ABITRAM: variants seen among roughly 807,000 people sequenced by gnomAD.
ABITRAM encodes the protein protein Abitram.
Under a neutral mutation model 22.9 loss-of-function variants are expected in ABITRAM, and 19 were observed. That is an observed-to-expected ratio of 0.83 (90% CI 0.58 to 1.22). ABITRAM has a LOEUF of 1.22. Ranked by LOEUF, ABITRAM falls within the 50% of genes most tolerant of loss-of-function variation. The pLI is 0.00. For missense variants in ABITRAM, 215 were observed against 220.2 expected (o/e 0.98, Z 0.15); for synonymous variants, 70 against 73.9 (o/e 0.95, Z 0.27).
At chr9:108,944,010 A>C, downstream of ABITRAM, 1 of 1,613,730 alleles carries the variant, frequency 6.2e-7, no homozygotes, top group Non-Finnish European at 8.5e-7. Flanking sequence ...AACCCTCTGC[A>C]GCAAAAACCT....
intron 3 of ABITRAM, chr9:108,948,162 G>A: frequency 6.2e-7 from 1 of 1,608,642 alleles, no homozygotes; most frequent in Non-Finnish European, 8.5e-7. Context: ...TAAAGTACTA[G>A]CATAAAACGG....
rs762875223 is a variant in ABITRAM at position 108,939,620 on chromosome 9, A to G, written c.480A>G (p.Leu160=). 39 of 1,614,046 alleles carry G rather than the reference A, an allele frequency of 2.4e-5. No homozygotes were observed. Among genetic ancestry groups the G allele is most frequent in the Non-Finnish European group, 3.1e-5 (37 of 1,180,004 alleles). The part of the protein sequence containing the change: ...FEESKSITEG[L]LTQKQYEEVM... ...AAAGTAAAAGCATAACAGAAGGGTTACTGACACAAAAACAATATGAAGAAG... is the reference window on the plus strand; with the variant it reads ...AAAGTAAAAGCATAACAGAAGGGTTGCTGACACAAAAACAATATGAAGAAG... Residue 160 remains leucine, a synonymous_variant, in exon 6 of 6, where the codon TTA becomes TTG. Coordinates refer to ENST00000322940, the MANE Select transcript of ABITRAM (RefSeq NM_017832.4).
exon 4 of ABITRAM, chr9:108,950,547 G>C: frequency 6.4e-7 from 1 of 1,550,398 alleles, no homozygotes; most frequent in Non-Finnish European, 8.7e-7. Flanking sequence ...GTCATCAAGA[G>C]GAAAATGATG....
In ABITRAM at chr9:108,939,422, A is replaced by G. The variant is rs778615083; in HGVS notation, c.376A>G (p.Ile126Val). Residue 126 changes from isoleucine to valine, a missense_variant, in exon 5 of 6, where the codon ATC becomes GTC. Ile to Val is a conservative substitution (Grantham distance 29). Transcript: ENST00000322940. The stretch of plus-strand genomic sequence containing the variant: ...ACGTTTGATGGAAGTGAATGAAAAC[A>G]TCCTCCATAAGCCATCTATTCTTCA... ...RGRLMEVNEN[I>V]LHKPSILQEK... 2 of 1,611,620 alleles carry G rather than the reference A, an allele frequency of 1.2e-6. No individual in the cohort carries two copies. Among genetic ancestry groups the G allele is most frequent in the African/African-American group, 1.3e-5 (1 of 74,728 alleles).
At chr9:108,947,926 A>G (rs1056063139) in intron 3 of ABITRAM, among the ~76,000 whole-genome samples, 4 of 152,212 alleles carry the variant, frequency 2.6e-5, no homozygotes, top group Non-Finnish European at 5.9e-5. Flanking sequence ...AAAGCTTATT[A>G]TTGCATCTAT....
intron 1 of ABITRAM, among the ~76,000 whole-genome samples, 164 bp from the exon 2 acceptor site, chr9:108,935,474 G>A (rs1830167983): frequency 6.6e-6 from 1 of 152,152 alleles, no homozygotes; most frequent in South Asian, 2.1e-4. Context: ...TACTTTCTAG[G>A]AAACCTTTAG....
intron 3 of ABITRAM, among the ~76,000 whole-genome samples, chr9:108,938,481 T>C (rs1830214479): frequency 6.6e-6 from 1 of 152,214 alleles, no homozygotes; most frequent in Non-Finnish European, 1.5e-5. Flanking sequence ...TCCCCAGGTA[T>C]ATCCATCTAG....
intron 3 of ABITRAM, chr9:108,948,303 A>G (rs1191901894): frequency 6.9e-7 from 1 of 1,445,712 alleles, no homozygotes; most frequent in Non-Finnish European, 9.4e-7. Context: ...TATAATATTA[A>G]AATTTTAGAG....
intron 3 of ABITRAM, among the ~76,000 whole-genome samples, chr9:108,949,176 G>T (rs1476604799): frequency 6.6e-6 from 1 of 152,054 alleles, no homozygotes; most frequent in Non-Finnish European, 1.5e-5. Flanking sequence ...ACTGCTACAA[G>T]GTATTTATCT....
intron 3 of ABITRAM, among the ~76,000 whole-genome samples, chr9:108,938,228 T>G (rs1830211712): frequency 6.6e-6 from 1 of 152,164 alleles, no homozygotes; most frequent in South Asian, 2.1e-4. Flanking sequence ...AAGCAGAAAG[T>G]CACAATGACT....
chr9:108,944,035 ACAC>A (rs1458680080), downstream of ABITRAM: 12 of 1,610,532 alleles, frequency 7.5e-6, 1 homozygote, highest in Admixed American at 1.8e-4. Flanking sequence ...GAAAGAGAAA[ACAC>A]CACTATTTTA....
chr9:108,950,626 A>C, exon 4 of ABITRAM: 1 of 1,548,172 alleles, frequency 6.5e-7, no homozygotes, highest in Admixed American at 2.0e-5. Flanking sequence ...CTTCACGAGC[A>C]CAGGATCCCT....
At chr9:108,945,819 C>A (rs1830388488), downstream of ABITRAM, among the ~76,000 whole-genome samples, 1 of 152,106 alleles carries the variant, frequency 6.6e-6, no homozygotes, top group Non-Finnish European at 1.5e-5. Context: ...TTGGTTGAAT[C>A]TGCAGATGCA....
At chr9:108,947,355 C>G (rs745725328) in intron 3 of ABITRAM, among the ~76,000 whole-genome samples, 3 of 152,114 alleles carry the variant, frequency 2.0e-5, no homozygotes, top group Non-Finnish European at 2.9e-5. Flanking sequence ...CCTCGTGATC[C>G]ACCCACCTTG....
Position 108,939,216 on chromosome 9 carries a change from G to A in ABITRAM, c.282G>A (p.Glu94=). 6.2e-7 allele frequency: 1 copy of A among 1,613,852 alleles called. No homozygotes were observed. Residue 94 remains glutamate, a synonymous_variant, in exon 4 of 6, where the codon GAG becomes GAA. Transcript: ENST00000322940. The part of the protein sequence containing the change: ...KFKRGAQFLT[E]LAPLCKIYCS... ...CACAGGGGGCACAGTTTCTAACAGA[G>A]CTTGCACCTCTCTGTAAGATTTACT...
intron 2 of ABITRAM, 120 bp from the exon 3 acceptor site, chr9:108,936,188 A>C: frequency 9.3e-7 from 1 of 1,078,546 alleles, no homozygotes; most frequent in South Asian, 1.6e-5. Context: ...CAAAGGAAAA[A>C]GGGGGAAGAT....
chr9:108,940,904 A>ACAT lies in ABITRAM; in HGVS notation c.*1219_*1221dup, dbSNP rs1217955665. ...GTGTTATTTTTCTGTAAGGGCTATA[A>ACAT]CATACATGTCAATATCACTGTTTTT... On this transcript the variant is annotated 3_prime_UTR_variant, in exon 6 of 6. Transcript: ENST00000322940. 3.3e-5 allele frequency: 5 copies of ACAT among 152,200 alleles called. No homozygotes were observed. The highest frequency in any genetic ancestry group is 1.3e-4 in the Admixed American group (2 of 15,280). 9.4% of individuals were successfully genotyped at this position (152,200 alleles called of 1,614,324 possible).
chr9:108,941,020 C>T (rs1264807870), downstream of ABITRAM: 1 of 152,090 alleles, frequency 6.6e-6, no homozygotes, highest in East Asian at 1.9e-4. Flanking sequence ...TCATAAGTTA[C>T]CCCTTCCCAA....
downstream of ABITRAM, among the ~76,000 whole-genome samples, chr9:108,942,345 A>C (rs1022593267): frequency 1.1e-4 from 16 of 152,350 alleles, no homozygotes; most frequent in Admixed American, 9.8e-4. Flanking sequence ...TGAAGAGTCC[A>C]CAGGTTTAAG....
Sources: gnomAD v4.1 joint callset for allele counts (sites outside exome capture counted in the v4.1 genomes callset) on GRCh38, gnomAD v4.1.1 for gene constraint, MANE v1.5 for transcripts, NCBI Gene and HGNC (gene_info 2026-07-23, HGNC 2026-07-21) for gene names.